The following SPTA1 variants were observed in gnomAD, a reference collection of about 807,000 sequenced individuals.
SPTA1 encodes the protein spectrin alpha chain, erythrocytic 1.
A neutral mutation model predicts 324.7 loss-of-function variants in SPTA1; 177 were observed. The ratio of observed to expected loss-of-function variants is 0.55; its 90% CI spans 0.48 to 0.62. The LOEUF (loss-of-function observed/expected upper bound fraction) is 0.62. Ranked by LOEUF, SPTA1 falls within the 20% of genes least tolerant of loss-of-function variation. The probability of loss-of-function intolerance (pLI) is 0.00; values close to 1 mark genes in which losing one functional copy is unlikely to be tolerated. For synonymous variants in SPTA1, 1,195 were observed against 1,041.3 expected (o/e 1.15, Z -2.84); for missense variants, 3,162 against 2,883.6 (o/e 1.10, Z -2.21).
chr1:158,648,385 T>C (rs755385400), intron 26 of SPTA1, 124 bp downstream of exon 26: 21 of 1,392,142 alleles, frequency 1.5e-5, no homozygotes, highest in Admixed American at 8.9e-5. Flanking sequence ...AGAATAAATA[T>C]GGCACAGAAC....
intron 14 of SPTA1, 82 bp downstream of exon 14, chr1:158,669,326 A>C (rs1335251821): frequency 1.2e-5 from 19 of 1,588,542 alleles, no homozygotes; most frequent in Non-Finnish European, 1.5e-5. Context: ...GCTGAACGCT[A>C]AAGTTCATTT....
At chr1:158,666,242 T>TATTAAGTAATTAATAAGTAATA in intron 16 of SPTA1, 74 bp downstream of exon 16, 3 of 1,482,240 alleles carry the variant, frequency 2.0e-6, no homozygotes, top group African/African-American at 2.8e-5. Flanking sequence ...AATAATTACT[T>TATTAAGTAATTAATAAGTAATA]ATTACTTAAT....
At chr1:158,613,692 T>C (rs1394823660) in intron 50 of SPTA1, 29 bp downstream of exon 50, 8 of 1,613,506 alleles carry the variant, frequency 5.0e-6, no homozygotes, top group Non-Finnish European at 6.8e-6. Flanking sequence ...CCATCCCTGC[T>C]GCGGTCTGAC....
chr1:158,638,157 C>G lies in SPTA1; in HGVS notation c.5065G>C (p.Asp1689His), dbSNP rs1216068791. 6.2e-7 allele frequency: 1 copy of G among 1,613,954 alleles called. No individual in the cohort carries two copies. The highest frequency in any genetic ancestry group is 8.5e-7 in the Non-Finnish European group (1 of 1,179,960). ...FNVDQIVKKK[D>H]NVNKRFLNVQ... ...TTCAGGAAACGCTTGTTGACATTAT[C>G]TTTTTTCTTCACAATCTGATCAACG... Residue 1689 changes from aspartate to histidine, a missense_variant, in exon 36 of 52, where the codon GAT becomes CAT. By Grantham distance (81) the Asp-to-His change is moderately conservative. Coordinates refer to ENST00000643759, the MANE Select transcript of SPTA1 (RefSeq NM_003126.4).
intron 27 of SPTA1, among the ~76,000 whole-genome samples, chr1:158,646,472 A>AAAAAC (rs937340704): frequency 3.3e-5 from 5 of 152,166 alleles, no homozygotes; most frequent in Non-Finnish European, 4.4e-5. Context: ...AAGAATGGAT[A>AAAAAC]AAAACAAAAC....
intron 4 of SPTA1, 94 bp from the exon 5 acceptor site, chr1:158,680,823 C>G: frequency 1.3e-6 from 2 of 1,530,208 alleles, no homozygotes; most frequent in Non-Finnish European, 1.8e-6. Flanking sequence ...CCCAGGATAA[C>G]TCAAATGGAG....
intron 20 of SPTA1, among the ~76,000 whole-genome samples, chr1:158,655,623 G>A (rs16840444): frequency 0.066 from 10,111 of 152,236 alleles, 1,114 homozygotes; most frequent in African/African-American, 0.23. Context: ...TGATTTGACA[G>A]ACTGAGTCTA....
intron 38 of SPTA1, 69 bp downstream of exon 38, chr1:158,635,844 G>A: frequency 6.2e-7 from 1 of 1,610,388 alleles, no homozygotes. Context: ...AGGCACTTAA[G>A]TATCCTCCCA....
chr1:158,663,812 T>C (rs1418133869), intron 16 of SPTA1, among the ~76,000 whole-genome samples: 2 of 152,148 alleles, frequency 1.3e-5, no homozygotes, highest in East Asian at 3.8e-4. Flanking sequence ...TATGTATGCC[T>C]ATGTAACAAA....
chr1:158,684,183 G>T (rs1458082775), intron 2 of SPTA1, among the ~76,000 whole-genome samples: 1 of 151,830 alleles, frequency 6.6e-6, no homozygotes, highest in East Asian at 1.9e-4. Flanking sequence ...TCAGAAACGC[G>T]TAGGAGCTTT....
chr1:158,613,949 C>A, intron 49 of SPTA1, 82 bp from the exon 50 acceptor site: 7 of 1,467,844 alleles, frequency 4.8e-6, no homozygotes, highest in Non-Finnish European at 6.5e-6. Context: ...TGTCTTATTG[C>A]GTCAGCTGAA....
chr1:158,614,274 T>C lies in SPTA1; in HGVS notation c.6821A>G (p.Lys2274Arg). 6.2e-7 allele frequency: 1 copy of C among 1,600,778 alleles called. No homozygotes were observed. Among genetic ancestry groups the C allele is most frequent in the South Asian group, 1.1e-5 (1 of 90,656 alleles). Residue 2274 changes from lysine to arginine, a missense_variant, in exon 49 of 52, where the codon AAG becomes AGG. Lys to Arg is a conservative substitution (Grantham distance 26). Coordinates refer to ENST00000643759, the MANE Select transcript of SPTA1 (RefSeq NM_003126.4). ...DIKGVSEETL[K>R]EFSTIYKHFD... ...TCACTTATAGATTGTGCTAAATTCC[T>C]TTAGAGTCTCTTCACTCACACCTTT...
At chr1:158,624,733 C>A (rs1223829898) in intron 42 of SPTA1, among the ~76,000 whole-genome samples, 1 of 152,132 alleles carries the variant, frequency 6.6e-6, no homozygotes, top group Non-Finnish European at 1.5e-5. Context: ...ATTTTCCCCT[C>A]AAAGCATTTT....
At chr1:158,661,142 A>AT in intron 18 of SPTA1, 145 bp downstream of exon 18, 2 of 1,255,830 alleles carry the variant, frequency 1.6e-6, no homozygotes, top group Non-Finnish European at 2.3e-6. Context: ...CCATATGCCC[A>AT]TTTGTCAGAA....
chr1:158,612,075 A>C (rs1307124565), intron 51 of SPTA1: 1 of 154,798 alleles, frequency 6.5e-6, no homozygotes, highest in Non-Finnish European at 1.4e-5. Flanking sequence ...ACCATCATGT[A>C]TGTGACCCTT....
Position 158,615,332 on chromosome 1 carries a change from T to G in SPTA1, c.6672A>C (p.Glu2224Asp), listed in dbSNP as rs142775522. Residue 2224 changes from glutamate to aspartate, a missense_variant, in exon 48 of 52, where the codon GAA (glutamate) becomes GAC (aspartate). Physicochemically the swap from Glu to Asp is conservative, Grantham distance 45. Transcript: ENST00000643759. ...ATTTGATATCAAGGATCAGAGCGTC[T>G]TCCAAGTTGTCCCCCAGGTCCACAA... ...TKIVDLGDNL[E>D]DALILDIKYS... 1,449 of 1,614,124 alleles carry G rather than the reference T, an allele frequency of 9.0e-4. 10 individuals are homozygous for G. The African/African-American group carries it at 0.017, about 19-fold the overall frequency.
At chr1:158,635,036 T>C (rs1308310040) in intron 38 of SPTA1, among the ~76,000 whole-genome samples, 1 of 152,072 alleles carries the variant, frequency 6.6e-6, no homozygotes, top group Non-Finnish European at 1.5e-5. Context: ...TTCTTTCGTA[T>C]ATGATGAAGA....
intron 39 of SPTA1, among the ~76,000 whole-genome samples, chr1:158,630,741 T>C (rs1249450283): frequency 6.6e-6 from 1 of 151,962 alleles, no homozygotes; most frequent in East Asian, 1.9e-4. Context: ...ATGATTTCCC[T>C]AATAAGGGGT....
intron 47 of SPTA1, among the ~76,000 whole-genome samples, chr1:158,615,723 C>T (rs537519625): frequency 6.6e-6 from 1 of 152,260 alleles, no homozygotes; most frequent in African/African-American, 2.4e-5. Context: ...ATCTATCTGT[C>T]TGTCTATCAT....
Sources: allele counts gnomAD v4.1 joint callset (sites outside exome capture counted in the v4.1 genomes callset), GRCh38; gene constraint gnomAD v4.1.1; transcripts MANE v1.5; gene names NCBI Gene and HGNC (gene_info 2026-07-23, HGNC 2026-07-21).